USP33: variants seen among roughly 807,000 people sequenced by gnomAD.
USP33 encodes the protein ubiquitin carboxyl-terminal hydrolase 33.
USP33 carries 46 observed loss-of-function variants against 124.2 expected under a neutral mutation model. The observed-to-expected ratio is 0.37, with a 90% confidence interval of 0.29 to 0.47. The LOEUF (loss-of-function observed/expected upper bound fraction) is 0.47, where lower values mean the gene tolerates loss of function less well. USP33 is among the 20% of genes least tolerant of loss of function. USP33 has a pLI of 0.99. For synonymous variants in USP33, 350 were observed against 352.3 expected (o/e 0.99, Z 0.07); for missense variants, 851 against 1,070.6 (o/e 0.79, Z 2.86).
At chr1:77,741,586 T>C (rs775579985) in intron 2 of USP33, 31 bp downstream of exon 2, 6 of 1,566,316 alleles carry the variant, frequency 3.8e-6, no homozygotes, top group African/African-American at 1.4e-5. Flanking sequence ...AAGTGAATAG[T>C]TTTTCAAGGA....
chr1:77,701,348 A>G, intron 22 of USP33, 21 bp downstream of exon 22: 1 of 1,560,558 alleles, frequency 6.4e-7, no homozygotes, highest in Non-Finnish European at 8.7e-7. Context: ...CCAAAAAAAA[A>G]TTTTTCAGTC....
chr1:77,702,048 A>G (rs1433455664), intron 21 of USP33, among the ~76,000 whole-genome samples: 2 of 144,896 alleles, frequency 1.4e-5, no homozygotes, highest in Non-Finnish European at 3.0e-5. Flanking sequence ...AAGCTGAGGT[A>G]GGAGGATTAC....
chr1:77,734,433 T>C lies in USP33; in HGVS notation c.455-17A>G. The C allele has an allele frequency of 1.3e-6, 2 of 1,487,404 alleles. No individual in the cohort carries two copies. The highest frequency in any genetic ancestry group is 1.8e-6 in the Non-Finnish European group (2 of 1,087,702). 92.1% of individuals were successfully genotyped at this position (1,487,404 alleles called of 1,614,324 possible). The stretch of plus-strand genomic sequence containing the variant: ...CTGTAAGACCTATTAAGAAAAAATA[T>C]ACATGAAGTCATCATTCAATAATGC... On this transcript the variant is annotated splice_polypyrimidine_tract_variant and intron_variant, in intron 6 of 23. Coordinates refer to ENST00000370794, the MANE Select transcript of USP33 (RefSeq NM_201624.3).
intron 9 of USP33, among the ~76,000 whole-genome samples, chr1:77,729,047 G>A (rs1030086615): frequency 7.2e-5 from 11 of 152,164 alleles, no homozygotes; most frequent in East Asian, 3.9e-4. Flanking sequence ...CCAGATGCAC[G>A]TGCCACCACA....
intron 21 of USP33, among the ~76,000 whole-genome samples, chr1:77,710,721 A>G (rs149275529): frequency 6.6e-5 from 10 of 152,312 alleles, no homozygotes; most frequent in Non-Finnish European, 1.2e-4. Context: ...GATCTGCTCA[A>G]TATCTTCTCC....
At chr1:77,757,721 TG>T (rs1030921653) in intron 1 of USP33, among the ~76,000 whole-genome samples, 1 of 152,250 alleles carries the variant, frequency 6.6e-6, no homozygotes, top group African/African-American at 2.4e-5. Flanking sequence ...TTAATCTATC[TG>T]AATTCCCAAT....
At chr1:77,743,364 T>C (rs1301777984) in intron 1 of USP33, among the ~76,000 whole-genome samples, 1 of 152,206 alleles carries the variant, frequency 6.6e-6, no homozygotes, top group Non-Finnish European at 1.5e-5. Context: ...CAGGTTTGTG[T>C]AAATACATTT....
At chr1:77,716,196 C>A (rs1675876636) in intron 17 of USP33, among the ~76,000 whole-genome samples, 2 of 152,042 alleles carry the variant, frequency 1.3e-5, no homozygotes, top group Non-Finnish European at 2.9e-5. Context: ...GTAATTGGAA[C>A]TACAGGTGCA....
At chr1:77,739,209 T>A in intron 5 of USP33, 56 bp downstream of exon 5, 1 of 1,550,234 alleles carries the variant, frequency 6.5e-7, no homozygotes, top group Non-Finnish European at 8.7e-7. Flanking sequence ...CATGACAAAT[T>A]CTGAAATTAT....
At chr1:77,714,884 T>C (rs1348304381) in intron 18 of USP33, 101 bp from the exon 19 acceptor site, 1 of 1,190,448 alleles carries the variant, frequency 8.4e-7, no homozygotes, top group Non-Finnish European at 1.2e-6. Flanking sequence ...ATTAACACTA[T>C]CTTTATTAGG....
chr1:77,735,611 C>G (rs921230667), intron 6 of USP33, among the ~76,000 whole-genome samples: 43 of 152,090 alleles, frequency 2.8e-4, no homozygotes, highest in African/African-American at 1.0e-3. Flanking sequence ...ATACTAAGAA[C>G]AGTGGGCCTA....
intron 21 of USP33, 110 bp from the exon 22 acceptor site, chr1:77,701,581 G>T: frequency 1.2e-6 from 1 of 821,400 alleles, no homozygotes; most frequent in Non-Finnish European, 2.0e-6. Context: ...GGGAGGCTGA[G>T]GCAGGAGGAG....
intron 11 of USP33, among the ~76,000 whole-genome samples, chr1:77,723,886 G>C (rs533392323): frequency 1.3e-5 from 2 of 151,658 alleles, no homozygotes; most frequent in African/African-American, 2.4e-5. Context: ...GGATAGTCTC[G>C]ATCTCCTGAC....
At chr1:77,723,295 C>T (rs760166818) in intron 12 of USP33, 36 bp downstream of exon 12, 43 of 1,447,626 alleles carry the variant, frequency 3.0e-5, no homozygotes, top group East Asian at 9.2e-5. Flanking sequence ...TCATTTGACA[C>T]GAATTTTCTG....
rs1306362202 is a variant in USP33 at position 77,720,189 on chromosome 1, A to C, written c.1691+983T>G. 3 of 498,652 alleles carry C rather than the reference A, an allele frequency of 6.0e-6. 1 individual carries two copies. Among genetic ancestry groups the C allele is most frequent in the South Asian group, 1.7e-4 (2 of 11,802 alleles). 30.9% of individuals were successfully genotyped at this position (498,652 alleles called of 1,614,324 possible). A position where few individuals can be genotyped will look rare whatever the true frequency, so the allele number is the denominator to read the frequency against. On this transcript the variant is annotated intron_variant, in intron 15 of 23. Coordinates refer to ENST00000370794, the MANE Select transcript of USP33 (RefSeq NM_201624.3). ...TGAAAAAAAAAAAAAAAAAAAAAAA[A>C]AAAAACCTTTATTCTTACATGTGGA...
At chr1:77,711,049 C>T (rs1050939609) in intron 21 of USP33, among the ~76,000 whole-genome samples, 1 of 151,988 alleles carries the variant, frequency 6.6e-6, no homozygotes, top group Admixed American at 6.6e-5. Flanking sequence ...TTTATAAGCC[C>T]AGGAGTCCCT....
At chr1:77,702,273 G>A (rs1193995470) in intron 21 of USP33, among the ~76,000 whole-genome samples, 1 of 143,790 alleles carries the variant, frequency 7.0e-6, no homozygotes, top group African/African-American at 2.6e-5. Context: ...AATTTAACAA[G>A]TATACATAAA....
Position 77,701,471 on chromosome 1 carries a change from G to A in USP33, c.2407C>T (p.Leu803Phe), listed in dbSNP as rs1031962098. 4.4e-6 allele frequency: 7 copies of A among 1,607,438 alleles called. No homozygotes were observed. Among genetic ancestry groups the A allele is most frequent in the Non-Finnish European group, 1.7e-6 (2 of 1,177,544 alleles). ...RKTELEIFIR[L>F]NRAFQKEDSP... ...TCCTCTTTTTGGAACGCTCTGTTAAGCTACAAGGGGGAAAAAAAACAGTCA... is the reference window on the plus strand; with the variant it reads ...TCCTCTTTTTGGAACGCTCTGTTAAACTACAAGGGGGAAAAAAAACAGTCA... Residue 803 changes from leucine to phenylalanine, a missense_variant and splice_region_variant, in exon 22 of 24, where the codon CTT (leucine) becomes TTT (phenylalanine). By Grantham distance (22) the Leu-to-Phe change is conservative (BLOSUM62 0). Around this residue, in one of 4 missense-constraint regions of USP33, gnomAD observed 142 missense variants for 141.8 expected, o/e 1.00. Transcript: ENST00000370794.
At chr1:77,709,419 G>A (rs1383286788) in intron 21 of USP33, among the ~76,000 whole-genome samples, 3 of 152,022 alleles carry the variant, frequency 2.0e-5, no homozygotes, top group African/African-American at 7.2e-5. Context: ...GGATGCTGAG[G>A]CAGGAGGATC....
Sources: gnomAD v4.1 joint callset for allele counts (sites outside exome capture counted in the v4.1 genomes callset) on GRCh38, gnomAD v4.1.1 for gene constraint, gnomAD v4.1.1 regional missense constraint, MANE v1.5 for transcripts, NCBI Gene and HGNC (gene_info 2026-07-23, HGNC 2026-07-21) for gene names.